REST: variants seen among roughly 807,000 people sequenced by gnomAD.
REST encodes RE1 silencing transcription factor, also known as RE1-silencing transcription factor.
REST carries 1 observed loss-of-function variant against 30.4 expected under a neutral mutation model. That is an observed-to-expected ratio of 0.03 (90% CI 0.01 to 0.16). The LOEUF (loss-of-function observed/expected upper bound fraction) is 0.16, where lower values mean the gene tolerates loss of function less well. Ranked by LOEUF, REST falls within the 10% of genes least tolerant of loss-of-function variation. REST has a pLI of 1.00. For missense variants in REST, 1,259 were observed against 1,329.5 expected (o/e 0.95, Z 0.82); for synonymous variants, 504 against 451.1 (o/e 1.12, Z -1.49).
In REST at chr4:56,917,575, G is replaced by C. The variant is rs138602343; in HGVS notation, c.899-2212G>C. Among the ~76,000 whole-genome samples, 76 of 152,208 alleles carry C rather than the reference G, an allele frequency of 5.0e-4. 1 individual carries two copies. In the South Asian group the frequency reaches 0.014, roughly 28 times the overall value. On this transcript the variant is annotated intron_variant, in intron 2 of 3. Transcript: ENST00000309042. ...AATTGATAGCTTACATTTATTGAGG[G>C]CTTTACTATGTGCCAGACACAGTGT... is the stretch of plus-strand genomic sequence containing the variant.
intron 3 of REST, among the ~76,000 whole-genome samples, chr4:56,921,501 C>T (rs899404016): frequency 6.6e-5 from 10 of 152,252 alleles, no homozygotes; most frequent in South Asian, 4.1e-4. Flanking sequence ...CCTCTGCCTC[C>T]GGGGTTCAAG....
At chr4:56,918,637 C>T (rs1383363878) in intron 2 of REST, among the ~76,000 whole-genome samples, 3 of 152,036 alleles carry the variant, frequency 2.0e-5, no homozygotes, top group East Asian at 1.9e-4. Flanking sequence ...TAGCTCATTG[C>T]AGCCTCAAAC....
chr4:56,929,963 A>G lies in REST; in HGVS notation c.1105A>G (p.Lys369Glu). ...TCTTAATTGCCCACACTGTGATTAC[A>G]AAACAGCAGATAGAAGCAACTTCAA... ...KPLNCPHCDY[K>E]TADRSNFKKH... Residue 369 changes from lysine to glutamate, a missense_variant, in exon 4 of 4, where the codon AAA (lysine) becomes GAA (glutamate). Coordinates refer to ENST00000309042, the MANE Select transcript of REST (RefSeq NM_005612.5). The G allele has an allele frequency of 6.2e-7, 1 of 1,614,204 alleles. No individual in the cohort carries two copies. The highest frequency in any genetic ancestry group is 8.5e-7 in the Non-Finnish European group (1 of 1,180,038).
chr4:56,919,356 T>G (rs1421012182), intron 2 of REST, among the ~76,000 whole-genome samples: 1 of 152,126 alleles, frequency 6.6e-6, no homozygotes, highest in African/African-American at 2.4e-5. Context: ...CAAATGGTAG[T>G]AGATTCATCA....
At chr4:56,909,099 C>G (rs573005069) in intron 1 of REST, 1 of 152,446 alleles carries the variant, frequency 6.6e-6, no homozygotes, top group South Asian at 2.1e-4. Context: ...GCTGCCTGGA[C>G]TCGGGGAGGA....
Position 56,930,850 on chromosome 4 carries a change from G to A in REST, c.1992G>A (p.Lys664=), listed in dbSNP as rs766293996. ...TGGTTCAGGAGGGGCCTGCTCAGAA[G>A]GAGCTGCTGCCTCCCGTGGAGCCTG... ...MEVVQEGPAQ[K]ELLPPVEPAQ... is the part of the protein sequence containing the mutation. The change falls in exon 4 of 4, where the codon AAG becomes AAA. Residue 664 remains lysine (K), a synonymous_variant. Coordinates refer to ENST00000309042, the MANE Select transcript of REST (RefSeq NM_005612.5). The A allele has an allele frequency of 1.9e-6, 3 of 1,613,368 alleles. No homozygotes were observed. The Admixed American group carries it at 5.0e-5, about 27-fold the overall frequency.
In REST at chr4:56,930,950, G is replaced by T. The variant is rs202161415; in HGVS notation, c.2092G>T (p.Val698Phe). The change falls in exon 4 of 4, where the codon GTT (valine) becomes TTT (phenylalanine). Residue 698 changes from valine (V) to phenylalanine (F), a missense_variant. Physicochemically the swap from Val to Phe is conservative, Grantham distance 50. This residue lies in a region of REST where 856 missense variants were observed against 772.8 expected (regional missense o/e 1.11). Transcript: ENST00000309042. ...PPPMETAQTE[V>F]AQMGPAPMEP... ...TCCCATGGAGACTGCTCAGACGGAG[G>T]TTGCCCAAATGGGGCCTGCTCCCAT... The T allele has an allele frequency of 6.2e-7, 1 of 1,613,122 alleles. No individual in the cohort carries two copies. Among genetic ancestry groups the T allele is most frequent in the African/African-American group, 1.3e-5 (1 of 74,674 alleles).
chr4:56,909,697 C>A (rs899166792), intron 1 of REST: 2 of 151,978 alleles, frequency 1.3e-5, no homozygotes, highest in Non-Finnish European at 2.9e-5. Context: ...TTTTAATTTG[C>A]GAGTGAACAC....
intron 2 of REST, among the ~76,000 whole-genome samples, chr4:56,917,817 C>T (rs1023021574): frequency 2.6e-5 from 4 of 151,934 alleles, no homozygotes; most frequent in South Asian, 2.1e-4. Context: ...TTTGGGAGGC[C>T]GAGGTGAGTG....
chr4:56,925,480 C>T (rs1021555045), intron 3 of REST, among the ~76,000 whole-genome samples: 10 of 152,280 alleles, frequency 6.6e-5, no homozygotes, highest in African/African-American at 2.4e-4. Flanking sequence ...CCCAAAAGTG[C>T]TAGGATTACG....
In REST at chr4:56,931,967, C is replaced by G; in HGVS notation, c.3109C>G (p.Pro1037Ala). The change falls in exon 4 of 4, where the codon CCA (proline) becomes GCA (alanine). Residue 1037 changes from proline to alanine, a missense_variant. This residue lies in a region of REST where 856 missense variants were observed against 772.8 expected (regional missense o/e 1.11). Coordinates refer to ENST00000309042, the MANE Select transcript of REST (RefSeq NM_005612.5). ...TGATTCTGGATTGCATGGGGCTCGG[C>G]CAGTTCCACAAGAATCTAGCAGAAA... ...SDDSGLHGAR[P>A]VPQESSRKNA... is the part of the protein sequence containing the mutation. 2 of 1,614,166 alleles carry G rather than the reference C, an allele frequency of 1.2e-6. No individual in the cohort carries two copies. Among genetic ancestry groups the G allele is most frequent in the Non-Finnish European group, 1.7e-6 (2 of 1,180,028 alleles).
chr4:56,928,212 T>C (rs1473474042), intron 3 of REST, among the ~76,000 whole-genome samples: 2 of 152,022 alleles, frequency 1.3e-5, no homozygotes, highest in African/African-American at 4.8e-5. Flanking sequence ...GTCCAAGCAA[T>C]TCTCCTTCTT....
rs1305631143 is a variant in REST, at chr4:56,935,635, T to C, written c.*3483T>C. On this transcript the variant is annotated 3_prime_UTR_variant, in exon 4 of 4. Transcript: ENST00000309042. ...TAAATTTCTCAAGGTTCTTGCTGCC[T>C]TCTTTAGCAGCATTTGATGGAAGAT... 8 of 152,350 alleles carry C rather than the reference T, an allele frequency of 5.3e-5. No homozygotes were observed. In the East Asian group the frequency reaches 1.5e-3, roughly 29 times the overall value. The allele number at this position is 152,350 out of a possible 1,614,324, so 9.4% of individuals were successfully genotyped here. A position where few individuals can be genotyped will look rare whatever the true frequency, so the allele number is the denominator to read the frequency against.
At chr4:56,920,946 A>G (rs1224800820) in intron 3 of REST, among the ~76,000 whole-genome samples, 1 of 151,784 alleles carries the variant, frequency 6.6e-6, no homozygotes. Context: ...GCTCACCGCA[A>G]CCTCCGCTTC....
intron 3 of REST, among the ~76,000 whole-genome samples, chr4:56,920,487 C>T (rs769374280): frequency 4.0e-5 from 6 of 151,892 alleles, no homozygotes; most frequent in Non-Finnish European, 8.8e-5. Flanking sequence ...TGTTGGCCAG[C>T]ATGGTGGCTC....
intron 3 of REST, among the ~76,000 whole-genome samples, chr4:56,920,310 G>A (rs1720390029): frequency 6.6e-6 from 1 of 151,036 alleles, no homozygotes; most frequent in African/African-American, 2.4e-5. Flanking sequence ...TCAAGGTTTG[G>A]TCGAGCTTTT....
intron 2 of REST, 171 bp downstream of exon 2, chr4:56,911,707 T>C (rs1719921974): frequency 8.3e-6 from 5 of 603,290 alleles, no homozygotes; most frequent in South Asian, 2.0e-5. Context: ...AATTTCTCCA[T>C]GGAGTAACAA....
At position 56,910,788 on chromosome 4, in the gene REST, A is replaced by G; in HGVS notation, c.150A>G (p.Ala50=). The G allele has an allele frequency of 6.2e-7, 1 of 1,614,190 alleles. No homozygotes were observed. The highest frequency in any genetic ancestry group is 1.1e-5 in the South Asian group (1 of 91,080). ...ELAAPQLIML[A]NVALTGEVNG... ...CCGCACCTCAGCTTATTATGCTGGC[A>G]AATGTGGCCTTAACTGGGGAAGTAA... is the stretch of plus-strand genomic sequence containing the variant. The change falls in exon 2 of 4, where the codon GCA becomes GCG. Residue 50 remains alanine, a synonymous_variant. Transcript: ENST00000309042.
intron 2 of REST, among the ~76,000 whole-genome samples, chr4:56,915,277 G>C (rs536012262): frequency 9.5e-6 from 1 of 105,774 alleles, no homozygotes; most frequent in East Asian, 3.1e-4. Context: ...ATGGAGTCTT[G>C]CTCTGTTGCT....
Sources: allele counts gnomAD v4.1 joint callset (sites outside exome capture counted in the v4.1 genomes callset), GRCh38; gene constraint gnomAD v4.1.1; regional missense constraint gnomAD v4.1.1; transcripts MANE v1.5; gene names NCBI Gene and HGNC (gene_info 2026-07-23, HGNC 2026-07-21).